NEGR1: variants seen among roughly 807,000 people sequenced by gnomAD.
NEGR1 encodes neuronal growth regulator 1.
NEGR1 carries 10 observed loss-of-function variants against 40.9 expected under a neutral mutation model. That is an observed-to-expected ratio of 0.24 (90% CI 0.15 to 0.42). The LOEUF (loss-of-function observed/expected upper bound fraction) is 0.42. Ranked by LOEUF, NEGR1 falls within the 10% of genes least tolerant of loss-of-function variation. The pLI is 1.00. For synonymous variants in NEGR1, 185 were observed against 166.8 expected (o/e 1.11, Z -0.84); for missense variants, 352 against 438.9 (o/e 0.80, Z 1.77).
intron 1 of NEGR1, among the ~76,000 whole-genome samples, chr1:72,034,970 T>A (rs1646889778): frequency 6.6e-6 from 1 of 152,112 alleles, no homozygotes; most frequent in African/African-American, 2.4e-5. Context: ...ACTCTCTTCC[T>A]TGTCACCACG....
intron 1 of NEGR1, among the ~76,000 whole-genome samples, chr1:71,976,012 C>T (rs561644191): frequency 1.3e-5 from 2 of 152,348 alleles, no homozygotes; most frequent in South Asian, 2.1e-4. Flanking sequence ...CAATGCTTCA[C>T]ATTTCATAAA....
At chr1:71,484,087 A>T (rs866544017) in intron 6 of NEGR1, among the ~76,000 whole-genome samples, 2 of 151,682 alleles carry the variant, frequency 1.3e-5, no homozygotes, top group African/African-American at 4.8e-5. Flanking sequence ...TATTTTACTT[A>T]ATCTACTATG....
At chr1:71,407,993 A>G (rs986139808) in intron 6 of NEGR1, 1 of 153,182 alleles carries the variant, frequency 6.5e-6, no homozygotes, top group Non-Finnish European at 1.5e-5. Flanking sequence ...ACTGTACTAA[A>G]TGCTAGGAAA....
chr1:71,471,232 C>T (rs571480880), intron 6 of NEGR1, among the ~76,000 whole-genome samples: 2 of 152,242 alleles, frequency 1.3e-5, no homozygotes, highest in South Asian at 4.1e-4. Flanking sequence ...TTCAGTAAAA[C>T]ATCAATGGTT....
At chr1:72,079,767 G>A (rs1005075380) in intron 1 of NEGR1, among the ~76,000 whole-genome samples, 11 of 151,874 alleles carry the variant, frequency 7.2e-5, no homozygotes, top group African/African-American at 1.7e-4. Context: ...TTTCACTTTC[G>A]AATACTAAAA....
chr1:71,448,642 G>A (rs12730091), intron 6 of NEGR1, among the ~76,000 whole-genome samples: 8 of 151,808 alleles, frequency 5.3e-5, no homozygotes, highest in African/African-American at 1.9e-4. Context: ...AGAAAATTAC[G>A]CAACATTTTA....
At chr1:71,576,819 T>C (rs1042998491) in intron 6 of NEGR1, among the ~76,000 whole-genome samples, 5 of 152,204 alleles carry the variant, frequency 3.3e-5, no homozygotes, top group African/African-American at 9.6e-5. Context: ...TCTTTTCTTC[T>C]TCCTACAGTC....
intron 1 of NEGR1, among the ~76,000 whole-genome samples, chr1:72,060,871 T>C (rs1007826975): frequency 1.3e-5 from 2 of 151,376 alleles, no homozygotes; most frequent in African/African-American, 2.4e-5. Context: ...TCTGGATAGG[T>C]AGTTTTTTTA....
intron 1 of NEGR1, among the ~76,000 whole-genome samples, chr1:72,098,653 C>T (rs1331257722): frequency 2.0e-5 from 3 of 152,202 alleles, no homozygotes; most frequent in Non-Finnish European, 2.9e-5. Flanking sequence ...TCTCATTTTC[C>T]TATTTTGAGT....
intron 4 of NEGR1, among the ~76,000 whole-genome samples, chr1:71,668,390 G>A (rs1652309212): frequency 6.6e-6 from 1 of 152,178 alleles, no homozygotes; most frequent in African/African-American, 2.4e-5. Flanking sequence ...TTTTGTTACT[G>A]CCAGGCTGAT....
At chr1:71,832,578 A>G (rs891133156) in intron 2 of NEGR1, among the ~76,000 whole-genome samples, 3 of 152,076 alleles carry the variant, frequency 2.0e-5, no homozygotes, top group Non-Finnish European at 4.4e-5. Context: ...AAACCATAAC[A>G]AAACATCAAA....
At chr1:72,095,189 A>T (rs13376690) in intron 1 of NEGR1, among the ~76,000 whole-genome samples, 1 of 152,218 alleles carries the variant, frequency 6.6e-6, no homozygotes, top group South Asian at 2.1e-4. Context: ...ATATACATAC[A>T]TTAGTGGTGA....
intron 4 of NEGR1, among the ~76,000 whole-genome samples, chr1:71,672,260 A>C (rs1652461839): frequency 6.6e-6 from 1 of 152,234 alleles, no homozygotes; most frequent in Non-Finnish European, 1.5e-5. Flanking sequence ...AAAAAAAATT[A>C]AGAATGCTTT....
chr1:71,451,866 C>T (rs1646631714), intron 6 of NEGR1, among the ~76,000 whole-genome samples: 1 of 152,134 alleles, frequency 6.6e-6, no homozygotes, highest in Non-Finnish European at 1.5e-5. Context: ...AACAATGAAT[C>T]CCAAGTGGAA....
intron 1 of NEGR1, among the ~76,000 whole-genome samples, chr1:72,238,319 T>A (rs1654628107): frequency 6.6e-6 from 1 of 151,928 alleles, no homozygotes; most frequent in South Asian, 2.1e-4. Context: ...TATGATTGAA[T>A]AATGGTAATA....
intron 1 of NEGR1, among the ~76,000 whole-genome samples, chr1:72,050,881 A>T (rs1427950260): frequency 3.3e-5 from 5 of 151,544 alleles, no homozygotes; most frequent in African/African-American, 1.2e-4. Context: ...GCCCACTTAG[A>T]GTAGAACAGA....
chr1:71,664,119 T>C (rs1388455306), intron 4 of NEGR1, among the ~76,000 whole-genome samples: 1 of 152,212 alleles, frequency 6.6e-6, no homozygotes, highest in Non-Finnish European at 1.5e-5. Flanking sequence ...TGTATTATCA[T>C]TTCTTCTATT....
At chr1:72,053,014 TA>T (rs1647076400) in intron 1 of NEGR1, among the ~76,000 whole-genome samples, 1 of 151,440 alleles carries the variant, frequency 6.6e-6, no homozygotes, top group African/African-American at 2.4e-5. Flanking sequence ...CTGTTTCTAT[TA>T]CTATATTAAT....
intron 1 of NEGR1, among the ~76,000 whole-genome samples, chr1:72,212,919 G>C (rs146723897): frequency 3.9e-5 from 6 of 152,018 alleles, no homozygotes; most frequent in Non-Finnish European, 7.4e-5. Context: ...GTATGATAAA[G>C]ATGAAGTACT....
Sources: gnomAD v4.1 joint callset for allele counts (sites outside exome capture counted in the v4.1 genomes callset) on GRCh38, gnomAD v4.1.1 for gene constraint, MANE v1.5 for transcripts, NCBI Gene and HGNC (gene_info 2026-07-23, HGNC 2026-07-21) for gene names.